Variants in MAN1C1 observed in about 807,000 individuals in gnomAD.
MAN1C1 encodes mannosyl-oligosaccharide 1,2-alpha-mannosidase IC.
MAN1C1 carries 49 observed loss-of-function variants against 71.5 expected under a neutral mutation model. That is an observed-to-expected ratio of 0.69 (90% CI 0.54 to 0.87). The LOEUF (loss-of-function observed/expected upper bound fraction) is 0.87. Ranked by LOEUF, MAN1C1 falls within the 40% of genes least tolerant of loss-of-function variation. The pLI, the probability that MAN1C1 is intolerant of heterozygous loss-of-function variation, is 0.00. For synonymous variants in MAN1C1, 352 were observed against 343.7 expected (o/e 1.02, Z -0.27); for missense variants, 743 against 835.0 (o/e 0.89, Z 1.36).
intron 2 of MAN1C1, among the ~76,000 whole-genome samples, chr1:25,709,018 T>A (rs1461351861): frequency 6.6e-6 from 1 of 152,096 alleles, no homozygotes; most frequent in Admixed American, 6.5e-5. Context: ...AATCCATACA[T>A]CTGCAGGGAT....
intron 1 of MAN1C1, among the ~76,000 whole-genome samples, chr1:25,671,177 T>G (rs1276629683): frequency 1.3e-5 from 2 of 152,160 alleles, no homozygotes; most frequent in African/African-American, 4.8e-5. Context: ...CAACACCTGG[T>G]CGCTGCTGCT....
rs1177124717 is a variant in MAN1C1, at chr1:25,735,510, GTGTGTATATATA to G, written c.638-11150_638-11139del. On this transcript the variant is annotated intron_variant, in intron 2 of 11. Coordinates refer to ENST00000374332, the MANE Select transcript of MAN1C1 (RefSeq NM_020379.4). The surrounding 1 kb of genome is among the most constrained non-coding windows in gnomAD (Gnocchi z 4.6). ...TGTGTGTATATGTGTGTATGTATGT[GTGTGTATATATA>G]TGTGTATGTATATGTGTATGTATAT... Among the ~76,000 whole-genome samples, 5 of 152,156 alleles carry G rather than the reference GTGTGTATATATA, an allele frequency of 3.3e-5. No individual in the cohort carries two copies. Among genetic ancestry groups the G allele is most frequent in the Non-Finnish European group, 7.3e-5 (5 of 68,040 alleles).
At chr1:25,737,427 G>C (rs958952633) in intron 2 of MAN1C1, among the ~76,000 whole-genome samples, 1 of 152,244 alleles carries the variant, frequency 6.6e-6, no homozygotes, top group Non-Finnish European at 1.5e-5. Context: ...TTCCTTGGTA[G>C]CTGGCCACTA....
At chr1:25,747,403 A>G (rs1395845946) in intron 3 of MAN1C1, among the ~76,000 whole-genome samples, 1 of 152,210 alleles carries the variant, frequency 6.6e-6, no homozygotes, top group African/African-American at 2.4e-5. Context: ...CACCATGTTG[A>G]TCTCTCAGCC....
intron 2 of MAN1C1, among the ~76,000 whole-genome samples, chr1:25,740,659 A>AGC (rs889821189): frequency 6.6e-6 from 1 of 151,964 alleles, no homozygotes; most frequent in African/African-American, 2.4e-5. Flanking sequence ...GATGGTCTCG[A>AGC]TCTCCTGACC....
intron 1 of MAN1C1, among the ~76,000 whole-genome samples, chr1:25,679,526 TAAC>T (rs2046116215): frequency 7.3e-6 from 1 of 136,148 alleles, no homozygotes; most frequent in Non-Finnish European, 1.6e-5. Context: ...TGGGTGAAAA[TAAC>T]AGCCTCCAGT....
intron 2 of MAN1C1, among the ~76,000 whole-genome samples, chr1:25,689,882 G>A (rs2046283822): frequency 6.6e-6 from 1 of 152,158 alleles, no homozygotes; most frequent in African/African-American, 2.4e-5. Flanking sequence ...TGGCTCTTAC[G>A]GCCTCGTCCC....
intron 1 of MAN1C1, among the ~76,000 whole-genome samples, chr1:25,652,059 T>C (rs2045700427): frequency 6.6e-6 from 1 of 152,206 alleles, no homozygotes. Flanking sequence ...GCCAAGTGCT[T>C]GATCTTTCTG....
At chr1:25,633,676 G>A (rs187531927) in intron 1 of MAN1C1, among the ~76,000 whole-genome samples, 7 of 151,746 alleles carry the variant, frequency 4.6e-5, no homozygotes, top group Admixed American at 1.3e-4. Flanking sequence ...ATCCTTATAC[G>A]TTAGGTGAGT....
chr1:25,745,640 C>T (rs2047118462), intron 2 of MAN1C1, among the ~76,000 whole-genome samples: 1 of 152,190 alleles, frequency 6.6e-6, no homozygotes, highest in Admixed American at 6.5e-5. Context: ...TATATTTGAG[C>T]CATAGTTCAC....
intron 1 of MAN1C1, among the ~76,000 whole-genome samples, chr1:25,624,560 T>C (rs2124748863): frequency 6.6e-6 from 1 of 152,368 alleles, no homozygotes; most frequent in South Asian, 2.1e-4. Context: ...TCCATCTGTT[T>C]TAGTGGTAAC....
In MAN1C1 at chr1:25,778,433, C is replaced by T; in HGVS notation, c.1477+109C>T. 1 of 1,112,648 alleles carries T rather than the reference C, an allele frequency of 9.0e-7. No individual in the cohort carries two copies. The highest frequency in any genetic ancestry group is 2.9e-5 in the Admixed American group (1 of 34,988). 68.9% of individuals were successfully genotyped at this position (1,112,648 alleles called of 1,614,324 possible). ...AGGGAGCACATGGCCTTAGGGAAGC[C>T]TCCCCTTGGAAGTTAAGTAGAATTT... On this transcript the variant is annotated intron_variant, in intron 9 of 11. Coordinates refer to ENST00000374332, the MANE Select transcript of MAN1C1 (RefSeq NM_020379.4). The surrounding 1 kb of genome is among the most constrained non-coding windows in gnomAD (Gnocchi z 5.5).
At position 25,634,772 on chromosome 1, in the gene MAN1C1, A is replaced by G. The variant is rs534709040; in HGVS notation, c.540+16435A>G. Among the ~76,000 whole-genome samples the G allele has an allele frequency of 2.0e-5, 3 of 152,220 alleles. No homozygotes were observed. In the South Asian group the frequency reaches 6.2e-4, roughly 32 times the overall value. The stretch of plus-strand genomic sequence containing the variant: ...GAGGCGGAGGTTGCAGTAAGTCGAG[A>G]TTGTGCCACTGCACTCCAGCCTGGG... On this transcript the variant is annotated intron_variant, in intron 1 of 11. Coordinates refer to ENST00000374332, the MANE Select transcript of MAN1C1 (RefSeq NM_020379.4). This position sits in a 1 kb window ranked among gnomAD's most constrained non-coding sequence, Gnocchi z 4.6.
chr1:25,737,694 C>A (rs554906677), intron 2 of MAN1C1, among the ~76,000 whole-genome samples: 1 of 152,124 alleles, frequency 6.6e-6, no homozygotes, highest in Non-Finnish European at 1.5e-5. Context: ...GACAAAGTCA[C>A]ATGCAGCAGA....
rs1331080339 is a variant in MAN1C1, at chr1:25,782,173, A to C, written c.1651-412A>C. On this transcript the variant is annotated intron_variant, in intron 10 of 11. Transcript: ENST00000374332. This position sits in a 1 kb window ranked among gnomAD's most constrained non-coding sequence, Gnocchi z 4.4. ...GGCCATCTCTCCTGAGAATCCCTGG[A>C]GTACCAAGTCCGTCCCCAAATCCCA... Among the ~76,000 whole-genome samples, 1 of 152,130 alleles carries C rather than the reference A, an allele frequency of 6.6e-6. No individual in the cohort carries two copies. Among genetic ancestry groups the C allele is most frequent in the Non-Finnish European group, 1.5e-5 (1 of 68,020 alleles).
At chr1:25,758,135 C>G (rs1468235080) in intron 5 of MAN1C1, among the ~76,000 whole-genome samples, 1 of 152,300 alleles carries the variant, frequency 6.6e-6, no homozygotes, top group African/African-American at 2.4e-5. Context: ...TTTCATTGGT[C>G]CCATTTGCAC....
chr1:25,669,275 C>T (rs1232015058), intron 1 of MAN1C1, among the ~76,000 whole-genome samples: 2 of 152,132 alleles, frequency 1.3e-5, no homozygotes, highest in Non-Finnish European at 2.9e-5. Context: ...AGCAGCAGAC[C>T]TAGAGAAGGT....
At chr1:25,641,241 C>T (rs1357339518) in intron 1 of MAN1C1, among the ~76,000 whole-genome samples, 2 of 152,194 alleles carry the variant, frequency 1.3e-5, no homozygotes, top group African/African-American at 4.8e-5. Context: ...AACAGCCTTG[C>T]GGCATACAGA....
chr1:25,746,553 C>T lies in MAN1C1; in HGVS notation c.638-115C>T. ...TCCCCCGGATGGTGCCTGAGGCCAGCCTTTGCCACCAAGCCTGCGCTGGCA... is the reference window on the plus strand; with the variant it reads ...TCCCCCGGATGGTGCCTGAGGCCAGTCTTTGCCACCAAGCCTGCGCTGGCA... On this transcript the variant is annotated intron_variant, in intron 2 of 11. Transcript: ENST00000374332. This position sits in a 1 kb window ranked among gnomAD's most constrained non-coding sequence, Gnocchi z 4.0. The T allele has an allele frequency of 2.4e-6, 2 of 836,248 alleles. No homozygotes were observed. The highest frequency in any genetic ancestry group is 2.9e-5 in the South Asian group (2 of 68,318). The allele number at this position is 836,248 out of a possible 1,614,324, so 51.8% of individuals were successfully genotyped here. A position where few individuals can be genotyped will look rare whatever the true frequency, so the allele number is the denominator to read the frequency against.
Sources: gnomAD v4.1 joint callset for allele counts (sites outside exome capture counted in the v4.1 genomes callset) on GRCh38, gnomAD v4.1.1 for gene constraint, Gnocchi (gnomAD v3.1) non-coding constraint, MANE v1.5 for transcripts, NCBI Gene and HGNC (gene_info 2026-07-23, HGNC 2026-07-21) for gene names.